Variants in MYCBP2 observed in about 807,000 individuals in gnomAD.
MYCBP2 encodes MYC binding protein 2.
Under a neutral mutation model 525.3 loss-of-function variants are expected in MYCBP2, and 120 were observed. That is an observed-to-expected ratio of 0.23 (90% confidence interval 0.20 to 0.27). MYCBP2 has a LOEUF of 0.27. MYCBP2 is among the 10% of genes least tolerant of loss of function. The pLI, the probability that MYCBP2 is intolerant of heterozygous loss-of-function variation, is 1.00. For synonymous variants in MYCBP2, 1,894 were observed against 1,955.8 expected, an observed-to-expected ratio of 0.97 and a Z score of 0.83; for missense variants, 4,149 against 5,657.1, an observed-to-expected ratio of 0.73 and a Z score of 8.55.
At chr13:77,076,888 G>T in intron 67 of MYCBP2, 39 bp from the exon 68 acceptor site, 2 of 1,444,370 alleles carry the variant, frequency 1.4e-6, no homozygotes, top group Non-Finnish European at 9.7e-7. Flanking sequence ...TTAATGACAG[G>T]CATTAACACT....
Position 77,326,749 on chromosome 13 carries a change from G to T in MYCBP2, c.27C>A (p.Ser9=). Residue 9 remains serine, a synonymous_variant, in exon 1 of 83, where the codon TCC becomes TCA. Transcript: ENST00000544440. This position sits in a 1 kb window ranked among gnomAD's most constrained non-coding sequence, Gnocchi z 4.2. The part of the protein sequence containing the change: MMMCAATA[S]PAAASSGLGG... ...CGAGCCCCGAGGAGGCGGCGGCGGG[G>T]GAGGCAGTCGCTGCGCACATCATCA... 7.1e-7 allele frequency: 1 copy of T among 1,413,230 alleles called. No homozygotes were observed. Among genetic ancestry groups the T allele is most frequent in the Non-Finnish European group, 9.1e-7 (1 of 1,097,514 alleles). The allele number at this position is 1,413,230 out of a possible 1,614,324, so 87.5% of individuals were successfully genotyped here. A position where few individuals can be genotyped will look rare whatever the true frequency, so the allele number is the denominator to read the frequency against.
At position 77,294,113 on chromosome 13, in the gene MYCBP2, T is replaced by TATATATATATATATATATATAC. The variant is rs2077825985; in HGVS notation, c.378+2485_378+2486insGTATATATATATATATATATAT. Among the ~76,000 whole-genome samples, 9 of 52,888 alleles carry TATATATATATATATATATATAC rather than the reference T, an allele frequency of 1.7e-4. 1 individual carries two copies. Among genetic ancestry groups the TATATATATATATATATATATAC allele is most frequent in the Non-Finnish European group, 4.6e-5 (1 of 21,552 alleles). The allele number at this position is 52,888 out of a possible 152,430, so 34.7% of individuals were successfully genotyped here. On this transcript the variant is annotated intron_variant, in intron 2 of 82. Transcript: ENST00000544440. ...AAAGTAGATATAATGGCTATATATA[T>TATATATATATATATATATATAC]ATATATATATATATATACATATATA... is the stretch of plus-strand genomic sequence containing the variant.
chr13:77,212,788 T>C (rs1167058868), intron 21 of MYCBP2, among the ~76,000 whole-genome samples: 1 of 152,186 alleles, frequency 6.6e-6, no homozygotes, highest in Admixed American at 6.5e-5. Flanking sequence ...TATAGGGACC[T>C]GGTCAGGTAA....
intron 14 of MYCBP2, among the ~76,000 whole-genome samples, chr13:77,254,375 AT>A (rs890018120): frequency 5.3e-5 from 8 of 151,596 alleles, no homozygotes; most frequent in South Asian, 2.1e-4. Context: ...CTTATCTGTG[AT>A]TTTTTTTTAA....
chr13:77,056,404 C>A (rs2038062736), intron 79 of MYCBP2, among the ~76,000 whole-genome samples: 1 of 151,970 alleles, frequency 6.6e-6, no homozygotes, highest in African/African-American at 2.4e-5. Context: ...CTTAATAGAA[C>A]AAAAAGGGGC....
chr13:77,096,474 G>T lies in MYCBP2; in HGVS notation c.9792C>A (p.Gly3264=). ...YHMRQAHPGC[G]RYAGGQGYNS... is the part of the protein sequence containing the mutation. ...TGTAACCTTGTCCACCAGCATATCG[G>T]CCACAACCTTGAAACAATACCAAAA... is the stretch of plus-strand genomic sequence containing the variant. Residue 3264 remains glycine (G), a synonymous_variant, in exon 57 of 83, where the codon GGC becomes GGA. Coordinates refer to ENST00000544440, the MANE Select transcript of MYCBP2 (RefSeq NM_015057.5). 2 of 1,612,566 alleles carry T rather than the reference G, an allele frequency of 1.2e-6. No individual in the cohort carries two copies. Among genetic ancestry groups the T allele is most frequent in the Non-Finnish European group, 1.7e-6 (2 of 1,179,184 alleles).
At chr13:77,201,720 G>C (rs2062599852) in intron 26 of MYCBP2, among the ~76,000 whole-genome samples, 1 of 151,794 alleles carries the variant, frequency 6.6e-6, no homozygotes, top group South Asian at 2.1e-4. Flanking sequence ...AATCAAACTA[G>C]AACTCAGGAT....
At chr13:77,271,308 A>C (rs1472190667) in intron 5 of MYCBP2, among the ~76,000 whole-genome samples, 1 of 152,170 alleles carries the variant, frequency 6.6e-6, no homozygotes, top group African/African-American at 2.4e-5. Context: ...ATTTGCAGAA[A>C]GCCTTTGAAG....
chr13:77,104,714 A>C (rs2047594475), intron 55 of MYCBP2, among the ~76,000 whole-genome samples: 1 of 152,066 alleles, frequency 6.6e-6, no homozygotes, highest in Non-Finnish European at 1.5e-5. Flanking sequence ...ATTAAGTAAA[A>C]CTGACACCTT....
chr13:77,244,710 T>G (rs1005772174), intron 15 of MYCBP2, among the ~76,000 whole-genome samples: 1 of 152,076 alleles, frequency 6.6e-6, no homozygotes, highest in African/African-American at 2.4e-5. Flanking sequence ...AAAGAAAGTA[T>G]CATCAGAGTG....
intron 15 of MYCBP2, among the ~76,000 whole-genome samples, chr13:77,250,557 C>T (rs1279073952): frequency 6.6e-6 from 1 of 152,188 alleles, no homozygotes; most frequent in Non-Finnish European, 1.5e-5. Context: ...TCCTAACATC[C>T]TAGCAGAAAA....
intron 69 of MYCBP2, among the ~76,000 whole-genome samples, chr13:77,070,176 A>T (rs2040931846): frequency 6.6e-6 from 1 of 152,214 alleles, no homozygotes; most frequent in East Asian, 1.9e-4. Flanking sequence ...TTTCATAAGT[A>T]AAATCTTTAA....
chr13:77,058,739 C>A lies in MYCBP2; in HGVS notation c.13141-333G>T, dbSNP rs1330666074. 5.3e-5 allele frequency among the ~76,000 whole-genome samples: 8 copies of A among 152,126 alleles called. No individual in the cohort carries two copies. The highest frequency in any genetic ancestry group is 7.3e-5 in the Non-Finnish European group (5 of 68,028). Reference sequence around the variant, plus strand: ...TCGTGGCTTACACCTGTAATCCCAGCACTTTGGGAGGCTGAGGTGGGCAGA... The same window carrying A: ...TCGTGGCTTACACCTGTAATCCCAGAACTTTGGGAGGCTGAGGTGGGCAGA... On this transcript the variant is annotated intron_variant, in intron 77 of 82. Transcript: ENST00000544440. This position sits in a 1 kb window ranked among gnomAD's most constrained non-coding sequence, Gnocchi z 4.1.
At position 77,233,234 on chromosome 13, in the gene MYCBP2, T is replaced by TA. The variant is rs1257492195; in HGVS notation, c.2658dup (p.Met887TyrfsTer21). On this transcript the variant is annotated frameshift_variant, in exon 18 of 83. Transcript: ENST00000544440. LOFTEE classifies it high-confidence loss of function. ...GCTAGAGCCTGTTCTCGATGGTTCA[T>TA]AAAAATAGGACCAGCAAATACAAGG... 6 of 1,613,724 alleles carry TA rather than the reference T, an allele frequency of 3.7e-6. No individual in the cohort carries two copies. The highest frequency in any genetic ancestry group is 1.7e-6 in the Non-Finnish European group (2 of 1,179,838).
intron 1 of MYCBP2, among the ~76,000 whole-genome samples, chr13:77,309,915 C>T (rs920612602): frequency 6.6e-6 from 1 of 152,094 alleles, no homozygotes; most frequent in African/African-American, 2.4e-5. Flanking sequence ...AGATGAAGAC[C>T]ATCCTGGCCA....
intron 81 of MYCBP2, 81 bp downstream of exon 81, chr13:77,051,730 C>T: frequency 9.8e-7 from 1 of 1,016,900 alleles, no homozygotes; most frequent in Non-Finnish European, 1.5e-6. Context: ...GCCTGATTTA[C>T]ATTCCCACCA....
At position 77,161,978 on chromosome 13, in the gene MYCBP2, T is replaced by C. The variant is rs1252214518; in HGVS notation, c.6548-23A>G. The C allele has an allele frequency of 5.4e-6, 8 of 1,492,962 alleles. No individual in the cohort carries two copies. The South Asian group carries it at 8.3e-5, about 15-fold the overall frequency. 92.5% of individuals were successfully genotyped at this position (1,492,962 alleles called of 1,614,324 possible). A position where few individuals can be genotyped will look rare whatever the true frequency, so the allele number is the denominator to read the frequency against. On this transcript the variant is annotated intron_variant, in intron 43 of 82. Coordinates refer to ENST00000544440, the MANE Select transcript of MYCBP2 (RefSeq NM_015057.5). ...TACCTGTTGTGTAAATAAAGAGTTTTACTAAAATATGTCAATATTTAGTTT... is the reference window on the plus strand; with the variant it reads ...TACCTGTTGTGTAAATAAAGAGTTTCACTAAAATATGTCAATATTTAGTTT...
rs1247781704 is a variant in MYCBP2, at chr13:77,267,842, T to C, written c.1356A>G (p.Pro452=). 1 of 1,611,296 alleles carries C rather than the reference T, an allele frequency of 6.2e-7. No individual in the cohort carries two copies. ...AAAAAATGACTACTTGAAACATACC[T>C]GGTAACATCACAGTACCATCTTGCT... ...TLEQDGTVML[P]DCHTEGQNIL... The change falls in exon 8 of 83, where the codon CCA becomes CCG. Residue 452 remains proline (P), a splice_region_variant and synonymous_variant. Transcript: ENST00000544440.
At chr13:77,116,585 A>G (rs2049820672) in intron 55 of MYCBP2, among the ~76,000 whole-genome samples, 1 of 152,072 alleles carries the variant, frequency 6.6e-6, no homozygotes, top group Non-Finnish European at 1.5e-5. Flanking sequence ...TAAGAAGTTT[A>G]AAACAAGACC....
Sources: allele counts gnomAD v4.1 joint callset (sites outside exome capture counted in the v4.1 genomes callset), GRCh38; gene constraint gnomAD v4.1.1; non-coding constraint Gnocchi (gnomAD v3.1); transcripts MANE v1.5; gene names NCBI Gene and HGNC (gene_info 2026-07-23, HGNC 2026-07-21).